SUCO: variants seen among roughly 807,000 people sequenced by gnomAD.
The protein encoded by SUCO is SUN domain containing ossification factor.
SUCO carries 57 observed loss-of-function variants against 148.1 expected under a neutral mutation model. The observed-to-expected ratio is 0.38, with a 90% CI of 0.31 to 0.48. SUCO has a LOEUF of 0.48. Ranked by LOEUF, SUCO falls within the 20% of genes least tolerant of loss-of-function variation. SUCO has a pLI of 0.96. For missense variants in SUCO, 1,331 were observed against 1,468.2 expected (o/e 0.91, Z 1.53); for synonymous variants, 470 against 502.7 (o/e 0.93, Z 0.87).
Position 172,555,110 on chromosome 1 carries a change from A to T in SUCO, c.289-759A>T, listed in dbSNP as rs1470107684. On this transcript the variant is annotated intron_variant, in intron 3 of 23. Transcript: ENST00000263688. ...CATTTAAACACCTACTGTGCGCTAG[A>T]TACTGTGCTAGACACTGGGAATATG... Among the ~76,000 whole-genome samples the T allele has an allele frequency of 2.0e-5, 3 of 152,168 alleles. No individual in the cohort carries two copies. In the East Asian group the frequency reaches 5.8e-4, roughly 29 times the overall value.
chr1:172,568,305 T>TTGC (rs1654701415), intron 6 of SUCO: 112 of 905,534 alleles, frequency 1.2e-4, no homozygotes, highest in East Asian at 2.4e-4. Flanking sequence ...ATTCTTTGCT[T>TTGC]CCCACCCACC....
intron 6 of SUCO, among the ~76,000 whole-genome samples, chr1:172,560,688 T>C (rs984493022): frequency 6.6e-6 from 1 of 152,146 alleles, no homozygotes; most frequent in Admixed American, 6.5e-5. Flanking sequence ...GGGGCAAGAG[T>C]GGCTAACATG....
intron 1 of SUCO, among the ~76,000 whole-genome samples, chr1:172,534,047 T>G (rs1651831967): frequency 6.6e-6 from 1 of 152,120 alleles, no homozygotes; most frequent in Non-Finnish European, 1.5e-5. Context: ...GGGGCGTGTG[T>G]GTATGTGTGT....
intron 15 of SUCO, 70 bp from the exon 16 acceptor site, chr1:172,584,948 A>G: frequency 7.1e-6 from 7 of 992,120 alleles, no homozygotes; most frequent in Non-Finnish European, 1.0e-5. Context: ...TGATTTTTTG[A>G]CTATCTGATA....
rs114570278 is a variant in SUCO, at chr1:172,556,018, G to C, written c.438G>C (p.Lys146Asn). Reference sequence around the variant, plus strand: ...CCTCAGAAATCACTCCAATCTCAAAGCTTGAGTAAGTTGTTACAAAAAACA... The same window carrying C: ...CCTCAGAAATCACTCCAATCTCAAACCTTGAGTAAGTTGTTACAAAAAACA... ...SSTSEITPIS[K>N]LDEIEKSGTI... is the part of the protein sequence containing the mutation. Residue 146 changes from lysine to asparagine, a missense_variant, in exon 4 of 24, where the codon AAG (lysine) becomes AAC (asparagine). Coordinates refer to ENST00000263688, the MANE Select transcript of SUCO (RefSeq NM_014283.5). The C allele has an allele frequency of 1.2e-6, 2 of 1,607,510 alleles. No homozygotes were observed. The highest frequency in any genetic ancestry group is 1.7e-6 in the Non-Finnish European group (2 of 1,176,716).
At chr1:172,602,422 A>G (rs1657587369) in intron 21 of SUCO, 1 of 983,290 alleles carries the variant, frequency 1.0e-6, no homozygotes, top group South Asian at 4.7e-5. Context: ...AGAAAACACT[A>G]ATAGTAAGTG....
At chr1:172,584,578 G>T (rs1401408429) in intron 15 of SUCO, among the ~76,000 whole-genome samples, 1 of 152,142 alleles carries the variant, frequency 6.6e-6, no homozygotes, top group African/African-American at 2.4e-5. Flanking sequence ...TTTGAGAGCA[G>T]CCTGGGCAAC....
chr1:172,586,730 G>A (rs1230542398), intron 17 of SUCO, among the ~76,000 whole-genome samples: 1 of 152,120 alleles, frequency 6.6e-6, no homozygotes, highest in Non-Finnish European at 1.5e-5. Context: ...AAGATAGTAT[G>A]TAATGAGACC....
chr1:172,570,508 G>A, intron 8 of SUCO, 155 bp from the exon 9 acceptor site: 1 of 604,074 alleles, frequency 1.7e-6, no homozygotes, highest in East Asian at 2.9e-5. Context: ...GTGAATCTTA[G>A]CCACTTTTAT....
intron 19 of SUCO, among the ~76,000 whole-genome samples, chr1:172,597,693 G>A (rs1454250794): frequency 6.6e-6 from 1 of 151,928 alleles, no homozygotes; most frequent in East Asian, 1.9e-4. Flanking sequence ...GATTTTAAGG[G>A]AACTATTCTA....
intron 1 of SUCO, chr1:172,544,250 A>T (rs1226622563): frequency 2.2e-6 from 1 of 446,772 alleles, no homozygotes; most frequent in African/African-American, 2.1e-5. Context: ...TATTTCTTTT[A>T]CCACAAAGTG....
At chr1:172,550,653 A>C (rs1192179483) in intron 1 of SUCO, among the ~76,000 whole-genome samples, 1 of 151,936 alleles carries the variant, frequency 6.6e-6, no homozygotes, top group African/African-American at 2.4e-5. Context: ...GTCTTATTTC[A>C]GATCTATATA....
At chr1:172,546,235 A>G (rs1652846219) in intron 1 of SUCO, among the ~76,000 whole-genome samples, 1 of 152,190 alleles carries the variant, frequency 6.6e-6, no homozygotes, top group East Asian at 1.9e-4. Flanking sequence ...AGGAAACTGA[A>G]GCTCATAAGT....
At chr1:172,577,902 ATTTTCTC>A in intron 13 of SUCO, 83 bp downstream of exon 13, 3 of 1,070,842 alleles carry the variant, frequency 2.8e-6, no homozygotes, top group Non-Finnish European at 4.0e-6. Flanking sequence ...TGAAGAAATA[ATTTTCTC>A]TTACGTGAGT....
At position 172,570,675 on chromosome 1, in the gene SUCO, A is replaced by G; in HGVS notation, c.994A>G (p.Ile332Val). The change falls in exon 9 of 24, where the codon ATT becomes GTT. Residue 332 changes from isoleucine (I) to valine (V), a missense_variant. This residue lies in a region of SUCO where 992 missense variants were observed against 1,093.5 expected (regional missense o/e 0.91). Transcript: ENST00000263688. ...CTTTTTAAAATAGAGCACATCTGCT[A>G]TTCTTATAGAAAATATGGATCTTTA... ...ANPEAKSTSAILIENMDLYML... is the reference protein window; with the variant it reads ...ANPEAKSTSAVLIENMDLYML... The G allele has an allele frequency of 2.5e-6, 4 of 1,600,780 alleles. No homozygotes were observed. Among genetic ancestry groups the G allele is most frequent in the Non-Finnish European group, 3.4e-6 (4 of 1,168,786 alleles).
At chr1:172,579,344 G>A in intron 15 of SUCO, 77 bp downstream of exon 15, 1 of 890,692 alleles carries the variant, frequency 1.1e-6, no homozygotes, top group African/African-American at 1.7e-5. Flanking sequence ...TCATGGTATG[G>A]TTGAGGAGAA....
upstream of SUCO, chr1:172,532,857 G>C (rs1261568273): frequency 2.0e-6 from 3 of 1,526,822 alleles, no homozygotes; most frequent in South Asian, 1.3e-5. Context: ...CTTTCTGAAC[G>C]CAAGCCAGCA....
At chr1:172,563,948 T>G (rs1654368430) in intron 6 of SUCO, among the ~76,000 whole-genome samples, 1 of 152,164 alleles carries the variant, frequency 6.6e-6, no homozygotes, top group Admixed American at 6.5e-5. Flanking sequence ...TGCTCCAACT[T>G]CAGCTGTGGT....
At position 172,551,642 on chromosome 1, in the gene SUCO, T is replaced by C; in HGVS notation, c.177+16T>C. ...CCAGAAAAAGGTGCCTTAAATAAAG[T>C]TAACATTATAATTTGTGTGTCAGCT... On this transcript the variant is annotated intron_variant, in intron 2 of 23. Coordinates refer to ENST00000263688, the MANE Select transcript of SUCO (RefSeq NM_014283.5). The C allele has an allele frequency of 6.7e-7, 1 of 1,494,378 alleles. No homozygotes were observed. The highest frequency in any genetic ancestry group is 9.3e-7 in the Non-Finnish European group (1 of 1,079,586). The allele number at this position is 1,494,378 out of a possible 1,614,324, so 92.6% of individuals were successfully genotyped here.
Sources: allele counts gnomAD v4.1 joint callset (sites outside exome capture counted in the v4.1 genomes callset), GRCh38; gene constraint gnomAD v4.1.1; regional missense constraint gnomAD v4.1.1; transcripts MANE v1.5; gene names NCBI Gene and HGNC (gene_info 2026-07-23, HGNC 2026-07-21).